The following DNAH5 variants were observed in gnomAD, a reference collection of about 807,000 sequenced individuals.
The protein encoded by DNAH5 is dynein axonemal heavy chain 5.
In DNAH5, 372 loss-of-function variants were observed where a neutral mutation model predicts 518.2. That is an observed-to-expected ratio of 0.72 (90% CI 0.66 to 0.78). The LOEUF is 0.78. Ranked by LOEUF, DNAH5 falls within the 30% of genes least tolerant of loss-of-function variation. DNAH5 has a pLI of 0.00. For synonymous variants in DNAH5, 2,039 were observed against 2,025.9 expected, an observed-to-expected ratio of 1.01 and a Z score of -0.17; for missense variants, 5,523 against 5,687.0, an observed-to-expected ratio of 0.97 and a Z score of 0.93.
At chr5:13,876,093 G>T (rs1269380626) in intron 22 of DNAH5, among the ~76,000 whole-genome samples, 1 of 152,046 alleles carries the variant, frequency 6.6e-6, no homozygotes, top group Non-Finnish European at 1.5e-5. Flanking sequence ...AAATCTTTTT[G>T]TCTGTAAAAT....
intron 53 of DNAH5, among the ~76,000 whole-genome samples, chr5:13,778,456 A>C (rs1485705195): frequency 7.4e-6 from 1 of 135,386 alleles, no homozygotes; most frequent in Non-Finnish European, 1.6e-5. Context: ...CTCTAGAAAG[A>C]ACGAAAGAGA....
Position 13,714,391 on chromosome 5 carries a change from T to C in DNAH5, c.13125+14A>G. The C allele has an allele frequency of 6.2e-7, 1 of 1,613,664 alleles. No individual in the cohort carries two copies. Among genetic ancestry groups the C allele is most frequent in the East Asian group, 2.2e-5 (1 of 44,880 alleles). On this transcript the variant is annotated intron_variant, in intron 75 of 78. Transcript: ENST00000265104. ...AACCCCAGCTGACATTTTGTCAGGA[T>C]TTCATCAACTCACTTCAAAGGGGAC...
At chr5:13,876,564 CTCCCTG>C in intron 22 of DNAH5, 114 bp downstream of exon 22, 1 of 1,192,828 alleles carries the variant, frequency 8.4e-7, no homozygotes, top group Non-Finnish European at 1.2e-6. Context: ...ATACAAGATG[CTCCCTG>C]AAAGCACAGT....
intron 47 of DNAH5, among the ~76,000 whole-genome samples, chr5:13,798,833 G>A (rs1758266972): frequency 6.6e-6 from 1 of 151,222 alleles, no homozygotes; most frequent in Admixed American, 6.6e-5. Flanking sequence ...GGAGTGCAAT[G>A]TTGGCTAACT....
At chr5:13,785,396 T>C (rs1349609777) in intron 52 of DNAH5, among the ~76,000 whole-genome samples, 1 of 152,162 alleles carries the variant, frequency 6.6e-6, no homozygotes, top group Non-Finnish European at 1.5e-5. Context: ...CCTTCTCATA[T>C]GACAAACTAG....
intron 11 of DNAH5, among the ~76,000 whole-genome samples, chr5:13,912,771 A>G (rs1287212037): frequency 6.6e-6 from 1 of 151,850 alleles, no homozygotes; most frequent in Non-Finnish European, 1.5e-5. Context: ...ATCCTGCTCT[A>G]TGACTGGATT....
chr5:13,803,389 A>G (rs563854437), intron 47 of DNAH5, among the ~76,000 whole-genome samples: 45 of 152,350 alleles, frequency 3.0e-4, no homozygotes, highest in African/African-American at 9.6e-4. Context: ...ACAATAATGC[A>G]TAACTGAAGC....
In DNAH5 at chr5:13,891,137, A is replaced by G. The variant is rs2151949087; in HGVS notation, c.2432-16T>C. 2.5e-6 allele frequency: 4 copies of G among 1,613,732 alleles called. No individual in the cohort carries two copies. Among genetic ancestry groups the G allele is most frequent in the Non-Finnish European group, 3.4e-6 (4 of 1,179,808 alleles). On this transcript the variant is annotated splice_polypyrimidine_tract_variant and intron_variant, in intron 16 of 78. Coordinates refer to ENST00000265104, the MANE Select transcript of DNAH5 (RefSeq NM_001369.3). ...TCCAGGTCCTCTTTGGGAAAAAATA[A>G]AAGTAAATAAAAGAGATTAGGTAAA...
intron 74 of DNAH5, among the ~76,000 whole-genome samples, chr5:13,715,264 CCTTAA>C (rs1026988153): frequency 6.6e-6 from 1 of 152,286 alleles, no homozygotes; most frequent in East Asian, 1.9e-4. Flanking sequence ...TGAATCTTAT[CCTTAA>C]CTTAATTATT....
chr5:13,789,836 C>T (rs1756666130), intron 50 of DNAH5, among the ~76,000 whole-genome samples: 1 of 152,086 alleles, frequency 6.6e-6, no homozygotes, highest in Admixed American at 6.6e-5. Context: ...ATATTCACGC[C>T]GCTAAACTGA....
intron 76 of DNAH5, among the ~76,000 whole-genome samples, chr5:13,702,545 T>C (rs773003188): frequency 3.9e-5 from 6 of 152,266 alleles, no homozygotes; most frequent in Non-Finnish European, 8.8e-5. Flanking sequence ...GTGGGTGATC[T>C]GGTTTGGTAG....
chr5:13,756,000 G>T (rs1750944671), intron 61 of DNAH5, among the ~76,000 whole-genome samples: 1 of 152,194 alleles, frequency 6.6e-6, no homozygotes, highest in Non-Finnish European at 1.5e-5. Flanking sequence ...GTTCCCCCCA[G>T]CCTGTTGAGG....
intron 37 of DNAH5, 129 bp downstream of exon 37, chr5:13,829,897 G>A (rs1389575327): frequency 4.5e-6 from 4 of 890,124 alleles, no homozygotes; most frequent in Non-Finnish European, 7.0e-6. Context: ...ACACCAAAAG[G>A]TTTTCAAAAG....
rs180936812 is a variant in DNAH5, at chr5:13,875,963, C to T, written c.3396+721G>A. Among the ~76,000 whole-genome samples the T allele has an allele frequency of 3.2e-3, 486 of 152,256 alleles. 4 individuals are homozygous for T. Among genetic ancestry groups the T allele is most frequent in the African/African-American group, 0.011 (465 of 41,564 alleles). ...AAAACTGAGTAATAGAAAAAATGCA[C>T]TTACTGAGCAACAACTATTCCTTAA... is the stretch of plus-strand genomic sequence containing the variant. On this transcript the variant is annotated intron_variant, in intron 22 of 78. Transcript: ENST00000265104.
chr5:13,855,785 T>TAAAA (rs1231612248), intron 30 of DNAH5, among the ~76,000 whole-genome samples: 1 of 152,056 alleles, frequency 6.6e-6, no homozygotes, highest in Non-Finnish European at 1.5e-5. Flanking sequence ...ATGCAAATCA[T>TAAAA]AAAAAACAGT....
At chr5:13,964,511 C>A (rs964930816) in intron 1 of DNAH5, among the ~76,000 whole-genome samples, 1 of 152,256 alleles carries the variant, frequency 6.6e-6, no homozygotes, top group African/African-American at 2.4e-5. Context: ...AGAGAGATCG[C>A]TCAAGGTCAC....
At chr5:13,728,072 C>T (rs1377967956) in intron 69 of DNAH5, among the ~76,000 whole-genome samples, 3 of 152,194 alleles carry the variant, frequency 2.0e-5, no homozygotes, top group Admixed American at 2.0e-4. Flanking sequence ...CCACTCCTGA[C>T]CCAAAAGAAG....
chr5:13,721,172 C>T lies in DNAH5; in HGVS notation c.12107G>A (p.Trp4036Ter), dbSNP rs760104757. Reference sequence around the variant, plus strand: ...TGGCGTCCGTGGATCAGATTCCTCCCACGTCTTCTCCAAGTCTAAAATAAC... The same window carrying T: ...TGGCGTCCGTGGATCAGATTCCTCCTACGTCTTCTCCAAGTCTAAAATAAC... Reference protein sequence around the residue: ...EGVILDLEKTWEESDPRTPLI... With the variant: ...EGVILDLEKT The change falls in exon 71 of 79, where the codon TGG (tryptophan) becomes TAG (stop). Residue 4036 changes from tryptophan (W) to a stop codon, truncating the protein, a stop_gained. Transcript: ENST00000265104. LOFTEE classifies it high-confidence loss of function. 3 of 1,613,976 alleles carry T rather than the reference C, an allele frequency of 1.9e-6. No homozygotes were observed. The highest frequency in any genetic ancestry group is 2.5e-6 in the Non-Finnish European group (3 of 1,180,008).
At chr5:13,989,558 A>G (rs1029062287) in intron 1 of DNAH5, among the ~76,000 whole-genome samples, 1 of 144,786 alleles carries the variant, frequency 6.9e-6, no homozygotes, top group Non-Finnish European at 1.5e-5. Context: ...ATCTCGGCTC[A>G]CTGCAAGCTC....
Sources: gnomAD v4.1 joint callset for allele counts (sites outside exome capture counted in the v4.1 genomes callset) on GRCh38, gnomAD v4.1.1 for gene constraint, MANE v1.5 for transcripts, NCBI Gene and HGNC (gene_info 2026-07-23, HGNC 2026-07-21) for gene names.